SELENOF: variants seen among roughly 807,000 people sequenced by gnomAD.
The protein encoded by SELENOF is 15 kDa selenoprotein.
A neutral mutation model predicts 20.5 loss-of-function variants in SELENOF; 16 were observed. The ratio of observed to expected loss-of-function variants is 0.78; its 90% CI spans 0.53 to 1.19. The LOEUF is 1.19. SELENOF is among the 50% of genes most tolerant of loss of function. The pLI is 0.00. For synonymous variants in SELENOF, 78 were observed against 74.5 expected, an observed-to-expected ratio of 1.05 and a Z score of -0.24; for missense variants, 215 against 194.2, an observed-to-expected ratio of 1.11 and a Z score of -0.64.
chr1:86,864,768 C>T (rs773515393), intron 4 of SELENOF, among the ~76,000 whole-genome samples: 2 of 151,732 alleles, frequency 1.3e-5, no homozygotes, highest in Non-Finnish European at 2.9e-5. Flanking sequence ...TCCCGAGTAG[C>T]TGGGATTACA....
rs549211437 is a variant in SELENOF, at chr1:86,903,188, G to T, written c.252+93C>A. The T allele has an allele frequency of 5.5e-5, 61 of 1,118,546 alleles. 2 individuals carry two copies. In the South Asian group the frequency reaches 9.7e-4, roughly 18 times the overall value. The allele number at this position is 1,118,546 out of a possible 1,614,324, so 69.3% of individuals were successfully genotyped here. Reference sequence around the variant, plus strand: ...TTACTAAAAAATGTAAAAGCTTAGAGGCTTTTTTACACTTAAATTGATTAA... The same window carrying T: ...TTACTAAAAAATGTAAAAGCTTAGATGCTTTTTTACACTTAAATTGATTAA... On this transcript the variant is annotated intron_variant, in intron 2 of 4. Coordinates refer to ENST00000331835, the MANE Select transcript of SELENOF (RefSeq NM_004261.5).
At chr1:86,914,255 G>C (rs941906406), upstream of SELENOF, 9 of 708,136 alleles carry the variant, frequency 1.3e-5, no homozygotes, top group African/African-American at 1.6e-4. Flanking sequence ...GCATATGAAA[G>C]CTTAAAAGTC....
At chr1:86,870,020 G>A (rs1658718608) in intron 3 of SELENOF, among the ~76,000 whole-genome samples, 1 of 152,122 alleles carries the variant, frequency 6.6e-6, no homozygotes, top group Non-Finnish European at 1.5e-5. Flanking sequence ...TGATCCGCCT[G>A]CCTTGGCCTC....
chr1:86,888,419 A>T (rs1285737712), intron 2 of SELENOF, among the ~76,000 whole-genome samples: 1 of 152,162 alleles, frequency 6.6e-6, no homozygotes, highest in African/African-American at 2.4e-5. Context: ...GGAAGCAAGG[A>T]TGCCTTTCAG....
intron 1 of SELENOF, 25 bp from the exon 2 acceptor site, chr1:86,903,473 A>T: frequency 6.4e-7 from 1 of 1,558,420 alleles, no homozygotes; most frequent in Non-Finnish European, 8.7e-7. Context: ...TGGGAAATAA[A>T]ACACAATTCC....
chr1:86,908,085 T>C (rs545275288), intron 1 of SELENOF, among the ~76,000 whole-genome samples: 2 of 152,230 alleles, frequency 1.3e-5, no homozygotes, highest in Non-Finnish European at 1.5e-5. Flanking sequence ...TCCTTCTAGA[T>C]GAGAGAGTTG....
chr1:86,910,831 C>T (rs1659962081), intron 1 of SELENOF, among the ~76,000 whole-genome samples: 1 of 151,806 alleles, frequency 6.6e-6, no homozygotes, highest in Non-Finnish European at 1.5e-5. Context: ...CTCTCCTCCT[C>T]CCAACAATTT....
rs1388509497 is a variant in SELENOF, at chr1:86,862,843, TAGAA to T, written c.*627_*630del. On this transcript the variant is annotated 3_prime_UTR_variant, in exon 5 of 5. Coordinates refer to ENST00000331835, the MANE Select transcript of SELENOF (RefSeq NM_004261.5). The stretch of plus-strand genomic sequence containing the variant: ...TATGTATCTGATCCACACAAATCCC[TAGAA>T]AGGTTTTCTGTGTAGTCTTCATTAA... 1 of 152,592 alleles carries T rather than the reference TAGAA, an allele frequency of 6.6e-6. No individual in the cohort carries two copies. Among genetic ancestry groups the T allele is most frequent in the African/African-American group, 2.4e-5 (1 of 41,462 alleles). The allele number at this position is 152,592 out of a possible 1,614,324, so 9.5% of individuals were successfully genotyped here. A position where few individuals can be genotyped will look rare whatever the true frequency, so the allele number is the denominator to read the frequency against.
chr1:86,896,585 G>C (rs1430824329), intron 2 of SELENOF, among the ~76,000 whole-genome samples: 3 of 152,096 alleles, frequency 2.0e-5, no homozygotes, highest in Non-Finnish European at 4.4e-5. Context: ...TGTATACTTT[G>C]AAAAAATACC....
At chr1:86,865,794 A>G (rs1179061177) in intron 4 of SELENOF, among the ~76,000 whole-genome samples, 1 of 152,172 alleles carries the variant, frequency 6.6e-6, no homozygotes, top group East Asian at 1.9e-4. Flanking sequence ...AAGAACTAAG[A>G]AAAGGGCCTT....
rs369711346 is a variant in SELENOF at position 86,894,666 on chromosome 1, T to G, written c.252+8615A>C. On this transcript the variant is annotated intron_variant, in intron 2 of 4. Transcript: ENST00000331835. ...CCAGTTTGGGCAACATGGTGAGACC[T>G]TGTCTCTACAAAAATAGAAAATTAG... Among the ~76,000 whole-genome samples the G allele has an allele frequency of 1.7e-3, 257 of 152,178 alleles. 10 individuals carry two copies. In the South Asian group the frequency reaches 0.05, roughly 30 times the overall value.
rs1029357586 is a variant in SELENOF at position 86,870,720 on chromosome 1, G to A, written c.317-2618C>T. ...GCAAGCTCCGCCTTCCTGGGTTCACGCCATTCTCCTGCCTCAGCCTACCCA... is the reference window on the plus strand; with the variant it reads ...GCAAGCTCCGCCTTCCTGGGTTCACACCATTCTCCTGCCTCAGCCTACCCA... On this transcript the variant is annotated intron_variant, in intron 3 of 4. Coordinates refer to ENST00000331835, the MANE Select transcript of SELENOF (RefSeq NM_004261.5). 3.3e-5 allele frequency among the ~76,000 whole-genome samples: 5 copies of A among 152,140 alleles called. No individual in the cohort carries two copies. In the South Asian group the frequency reaches 8.3e-4, roughly 25 times the overall value.
intron 1 of SELENOF, among the ~76,000 whole-genome samples, chr1:86,905,415 C>T (rs766909309): frequency 6.6e-6 from 1 of 152,168 alleles, no homozygotes. Flanking sequence ...CTTGTAACAT[C>T]TTACTTATTT....
Position 86,881,061 on chromosome 1 carries a change from T to G in SELENOF, c.253-336A>C, listed in dbSNP as rs938457522. ...TACAAAATATTAAAGGTTTCCTACC[T>G]TTTTTTTAGGGTGATAAACTGAATA... On this transcript the variant is annotated intron_variant, in intron 2 of 4. Transcript: ENST00000331835. Among the ~76,000 whole-genome samples, 3 of 151,954 alleles carry G rather than the reference T, an allele frequency of 2.0e-5. No homozygotes were observed. In the East Asian group the frequency reaches 5.8e-4, roughly 29 times the overall value.
chr1:86,864,236 T>C (rs1658536871), intron 4 of SELENOF, among the ~76,000 whole-genome samples: 1 of 152,252 alleles, frequency 6.6e-6, no homozygotes, highest in African/African-American at 2.4e-5. Flanking sequence ...ATGATTTTAT[T>C]TGTAATCAGT....
intron 4 of SELENOF, among the ~76,000 whole-genome samples, chr1:86,865,599 A>G (rs1053255980): frequency 1.3e-5 from 2 of 152,244 alleles, no homozygotes; most frequent in African/African-American, 4.8e-5. Flanking sequence ...TAGGATGGCT[A>G]CTACCAAAAA....
At chr1:86,875,699 G>C (rs1168098584) in intron 3 of SELENOF, among the ~76,000 whole-genome samples, 1 of 152,148 alleles carries the variant, frequency 6.6e-6, no homozygotes, top group African/African-American at 2.4e-5. Context: ...TAGTTTGATA[G>C]AGGCAAAAGA....
intron 2 of SELENOF, among the ~76,000 whole-genome samples, chr1:86,896,653 T>G (rs549172336): frequency 1.3e-5 from 2 of 152,336 alleles, no homozygotes; most frequent in South Asian, 4.1e-4. Flanking sequence ...TAATTAACAT[T>G]ATCTCTTTTT....
intron 1 of SELENOF, among the ~76,000 whole-genome samples, chr1:86,907,255 G>C (rs1420182709): frequency 6.6e-6 from 1 of 152,112 alleles, no homozygotes; most frequent in Non-Finnish European, 1.5e-5. Flanking sequence ...ATACATGTTG[G>C]TATTAGGCTC....
Sources: allele counts gnomAD v4.1 joint callset (sites outside exome capture counted in the v4.1 genomes callset), GRCh38; gene constraint gnomAD v4.1.1; transcripts MANE v1.5; gene names NCBI Gene and HGNC (gene_info 2026-07-23, HGNC 2026-07-21).